MOB3B: variants seen among roughly 807,000 people sequenced by gnomAD.
The protein encoded by MOB3B is MOB kinase activator 3B.
A neutral mutation model predicts 18.7 loss-of-function variants in MOB3B; 7 were observed. The observed-to-expected ratio is 0.37, with a 90% CI of 0.21 to 0.70. The LOEUF is 0.70. MOB3B is among the 30% of genes least tolerant of loss of function. The pLI is 0.52. For missense variants in MOB3B, 253 were observed against 281.3 expected, an observed-to-expected ratio of 0.90 and a Z score of 0.72; for synonymous variants, 111 against 99.9, an observed-to-expected ratio of 1.11 and a Z score of -0.66.
chr9:27,344,335 G>A (rs966171321), intron 3 of MOB3B, among the ~76,000 whole-genome samples: 2 of 152,174 alleles, frequency 1.3e-5, no homozygotes, highest in East Asian at 1.9e-4. Context: ...AGTTCCCTCT[G>A]TTATTGCTGT....
intron 2 of MOB3B, among the ~76,000 whole-genome samples, chr9:27,437,483 C>T (rs893331940): frequency 6.6e-6 from 1 of 152,174 alleles, no homozygotes; most frequent in Non-Finnish European, 1.5e-5. Flanking sequence ...GGGGCCATAG[C>T]TCTGTTAGCA....
intron 2 of MOB3B, among the ~76,000 whole-genome samples, chr9:27,417,191 G>A (rs914646497): frequency 2.0e-5 from 3 of 151,942 alleles, no homozygotes; most frequent in Admixed American, 2.0e-4. Flanking sequence ...GTGAAACCCC[G>A]TCTCTACTAA....
chr9:27,481,528 T>TG (rs1240047029), intron 1 of MOB3B, among the ~76,000 whole-genome samples: 1 of 129,144 alleles, frequency 7.7e-6, no homozygotes, highest in African/African-American at 2.7e-5. Flanking sequence ...TTGTTTTTTT[T>TG]TTTTTTTGAG....
intron 2 of MOB3B, among the ~76,000 whole-genome samples, chr9:27,404,429 C>T (rs1327512820): frequency 7.5e-6 from 1 of 133,296 alleles, no homozygotes; most frequent in Non-Finnish European, 1.5e-5. Context: ...GATCTCAGCT[C>T]ACTACAACCT....
intron 2 of MOB3B, among the ~76,000 whole-genome samples, chr9:27,376,649 C>T (rs1252940823): frequency 6.6e-6 from 1 of 152,214 alleles, no homozygotes; most frequent in Non-Finnish European, 1.5e-5. Flanking sequence ...TGAAGTTCCT[C>T]AGATGATTCT....
At chr9:27,431,712 G>A (rs1822420136) in intron 2 of MOB3B, among the ~76,000 whole-genome samples, 1 of 152,186 alleles carries the variant, frequency 6.6e-6, no homozygotes, top group Admixed American at 6.5e-5. Flanking sequence ...TGTGAAGCTG[G>A]GAACTTCTGG....
At chr9:27,414,451 T>C (rs1448620298) in intron 2 of MOB3B, among the ~76,000 whole-genome samples, 4 of 152,198 alleles carry the variant, frequency 2.6e-5, no homozygotes. Context: ...TCCATTCAAT[T>C]AGGGCTGGTC....
chr9:27,431,027 G>T (rs1245445210), intron 2 of MOB3B, among the ~76,000 whole-genome samples: 3 of 152,082 alleles, frequency 2.0e-5, no homozygotes, highest in Non-Finnish European at 2.9e-5. Flanking sequence ...TTTAAAACAG[G>T]TTCCTCCACT....
At chr9:27,489,870 T>A (rs2131485851) in intron 1 of MOB3B, among the ~76,000 whole-genome samples, 1 of 151,628 alleles carries the variant, frequency 6.6e-6, no homozygotes, top group Non-Finnish European at 1.5e-5. Flanking sequence ...AACAGTCACA[T>A]AAGCTAAAAA....
intron 3 of MOB3B, among the ~76,000 whole-genome samples, chr9:27,343,109 A>T (rs1334431052): frequency 6.6e-6 from 1 of 151,418 alleles, no homozygotes; most frequent in Non-Finnish European, 1.5e-5. Context: ...GACATGGGAG[A>T]CTCCATTTTG....
At chr9:27,481,521 T>TTTTG (rs1819654665) in intron 1 of MOB3B, among the ~76,000 whole-genome samples, 10 of 114,838 alleles carry the variant, frequency 8.7e-5, no homozygotes, top group African/African-American at 4.5e-4. Flanking sequence ...GTTTTTTTTG[T>TTTTG]TTTTTTTTTT....
At chr9:27,386,240 G>A (rs1821648932) in intron 2 of MOB3B, among the ~76,000 whole-genome samples, 1 of 152,238 alleles carries the variant, frequency 6.6e-6, no homozygotes, top group African/African-American at 2.4e-5. Flanking sequence ...TCAGGGGACA[G>A]TGACTGTTCC....
intron 1 of MOB3B, among the ~76,000 whole-genome samples, chr9:27,502,898 C>T (rs1469148891): frequency 1.3e-5 from 2 of 152,206 alleles, no homozygotes; most frequent in African/African-American, 4.8e-5. Flanking sequence ...AATTCTAAAA[C>T]ATGGTGTCAG....
chr9:27,421,441 G>C (rs574340836), intron 2 of MOB3B: 1 of 152,404 alleles, frequency 6.6e-6, no homozygotes, highest in East Asian at 1.9e-4. Flanking sequence ...CAGCCCTAGA[G>C]TGAGTTAAGT....
intron 3 of MOB3B, among the ~76,000 whole-genome samples, chr9:27,356,714 A>G (rs1223501496): frequency 6.6e-6 from 1 of 152,162 alleles, no homozygotes; most frequent in Non-Finnish European, 1.5e-5. Flanking sequence ...GAACATGACT[A>G]TAGAAGAGAA....
intron 1 of MOB3B, among the ~76,000 whole-genome samples, chr9:27,511,049 C>A (rs952550401): frequency 6.6e-6 from 1 of 151,996 alleles, no homozygotes; most frequent in Non-Finnish European, 1.5e-5. Flanking sequence ...CTAAACTGAC[C>A]GCATGGAGAG....
At chr9:27,510,617 T>C (rs926465606) in intron 1 of MOB3B, among the ~76,000 whole-genome samples, 3 of 152,238 alleles carry the variant, frequency 2.0e-5, no homozygotes, top group Admixed American at 1.3e-4. Context: ...TCTAAATATA[T>C]ATGGTGTTCT....
intron 1 of MOB3B, among the ~76,000 whole-genome samples, chr9:27,494,790 G>A (rs1000880261): frequency 6.6e-6 from 1 of 152,146 alleles, no homozygotes; most frequent in Non-Finnish European, 1.5e-5. Flanking sequence ...TGGGATTACA[G>A]GCGTGAGCCA....
rs1172987965 is a variant in MOB3B, at chr9:27,328,355, C to A, written c.*2232G>T. 1 of 150,326 alleles carries A rather than the reference C, an allele frequency of 6.7e-6. No individual in the cohort carries two copies. The allele number at this position is 150,326 out of a possible 1,614,324, so 9.3% of individuals were successfully genotyped here. A position where few individuals can be genotyped will look rare whatever the true frequency, so the allele number is the denominator to read the frequency against. On this transcript the variant is annotated 3_prime_UTR_variant, in exon 4 of 4. Coordinates refer to ENST00000262244, the MANE Select transcript of MOB3B (RefSeq NM_024761.5). The stretch of plus-strand genomic sequence containing the variant: ...CTGCAGAGATTTTCTTCAGAATGTG[C>A]CAAAGTTCTGTGGGAACAGGAATAT...
Sources: allele counts gnomAD v4.1 joint callset (sites outside exome capture counted in the v4.1 genomes callset), GRCh38; gene constraint gnomAD v4.1.1; transcripts MANE v1.5; gene names NCBI Gene and HGNC (gene_info 2026-07-23, HGNC 2026-07-21).